Variants in ATAD2 observed in about 807,000 individuals in gnomAD.
ATAD2 encodes the protein ATPase family AAA domain containing 2, also known as ATPase family AAA domain-containing protein 2.
ATAD2 carries 62 observed loss-of-function variants against 168.9 expected under a neutral mutation model. The ratio of observed to expected loss-of-function variants is 0.37; its 90% confidence interval spans 0.30 to 0.45. The LOEUF (loss-of-function observed/expected upper bound fraction) is 0.45. ATAD2 is among the 20% of genes least tolerant of loss of function. The pLI, the probability that ATAD2 is intolerant of heterozygous loss-of-function variation, is 1.00. For synonymous variants in ATAD2, 613 were observed against 571.6 expected (o/e 1.07, Z -1.03); for missense variants, 1,419 against 1,667.8 (o/e 0.85, Z 2.60).
intron 1 of ATAD2, 100 bp from the exon 2 acceptor site, chr8:123,380,777 G>C: frequency 8.4e-7 from 1 of 1,195,762 alleles, no homozygotes; most frequent in Non-Finnish European, 1.2e-6. Context: ...AGTAAAAACT[G>C]CTTTTTGTGC....
chr8:123,330,670 A>G (rs201100468), intron 24 of ATAD2, among the ~76,000 whole-genome samples: 1 of 151,294 alleles, frequency 6.6e-6, no homozygotes, highest in Non-Finnish European at 1.5e-5. Flanking sequence ...CCCTATCTTC[A>G]TATTTTTTAA....
At chr8:123,403,154 A>AT (rs1459579412) in intron 1 of ATAD2, among the ~76,000 whole-genome samples, 2 of 151,842 alleles carry the variant, frequency 1.3e-5, no homozygotes, top group East Asian at 3.9e-4. Context: ...CAGTGGTGGG[A>AT]TTTTAGCTCA....
At chr8:123,339,924 G>A (rs1828018578) in intron 19 of ATAD2, among the ~76,000 whole-genome samples, 2 of 151,256 alleles carry the variant, frequency 1.3e-5, no homozygotes, top group Non-Finnish European at 2.9e-5. Flanking sequence ...ACAAGGTCTC[G>A]CTCTGTCACT....
At chr8:123,414,332 C>T (rs930700028) in intron 1 of ATAD2, among the ~76,000 whole-genome samples, 1 of 151,980 alleles carries the variant, frequency 6.6e-6, no homozygotes, top group Non-Finnish European at 1.5e-5. Flanking sequence ...GTAACTTTGC[C>T]CAAGGTGACC....
chr8:123,390,833 A>G (rs1039527176), intron 1 of ATAD2, among the ~76,000 whole-genome samples: 3 of 152,026 alleles, frequency 2.0e-5, no homozygotes, highest in African/African-American at 4.8e-5. Flanking sequence ...GGAGTTTGAT[A>G]CCCCGTCTCT....
intron 1 of ATAD2, among the ~76,000 whole-genome samples, chr8:123,408,683 C>CT (rs1813104280): frequency 6.6e-6 from 1 of 151,944 alleles, no homozygotes; most frequent in Admixed American, 6.6e-5. Context: ...TGCCCGGCTA[C>CT]TTTTTGTATT....
At chr8:123,359,734 C>T (rs370810524) in intron 9 of ATAD2, 49 bp from the exon 10 acceptor site, 36 of 1,264,976 alleles carry the variant, frequency 2.8e-5, no homozygotes, top group South Asian at 2.7e-4. Context: ...AACTCACCCT[C>T]CTTCCCAAAT....
Position 123,396,200 on chromosome 8 carries a change from G to C in ATAD2, c.158C>G (p.Thr53Arg). ...GAAQKKPAAT[T>R]AKAGDGSSVK... ...GCCCGTACTCACGCCCGCTTTGGCT[G>C]TGGTCGCCGCGGGTTTCTTCTGCGC... The change falls in exon 1 of 28, where the codon ACA (threonine) becomes AGA (arginine). Residue 53 changes from threonine (T) to arginine (R), a missense_variant. This residue lies in a region of ATAD2 where 419 missense variants were observed against 423.5 expected (regional missense o/e 0.99). Transcript: ENST00000287394. The C allele has an allele frequency of 6.3e-7, 1 of 1,580,830 alleles. No homozygotes were observed. Among genetic ancestry groups the C allele is most frequent in the Non-Finnish European group, 8.6e-7 (1 of 1,168,602 alleles).
At chr8:123,392,910 C>A (rs751765194) in intron 1 of ATAD2, among the ~76,000 whole-genome samples, 1 of 152,134 alleles carries the variant, frequency 6.6e-6, no homozygotes. Flanking sequence ...ATTTGCTGGG[C>A]GCGGTGGCTC....
rs1463549664 is a variant in ATAD2 at position 123,333,918 on chromosome 8, C to T, written c.3438G>A (p.Lys1146=). Residue 1146 remains lysine, a synonymous_variant, in exon 24 of 28, where the codon AAG becomes AAA. Transcript: ENST00000287394. ...CCACAGGAGTACTCGGTGTCTTTAG[C>T]TTTTCATTCTGCTCTGGGTCTGATC... ...DKRSDPEQNE[K]LKTPSTPVAC... is the part of the protein sequence containing the mutation. 1.2e-6 allele frequency: 2 copies of T among 1,613,960 alleles called. No homozygotes were observed. Among genetic ancestry groups the T allele is most frequent in the African/African-American group, 1.3e-5 (1 of 74,920 alleles).
At chr8:123,412,960 CT>C (rs1443216646) in intron 1 of ATAD2, among the ~76,000 whole-genome samples, 1 of 152,148 alleles carries the variant, frequency 6.6e-6, no homozygotes, top group African/African-American at 2.4e-5. Flanking sequence ...TGATAGGCCC[CT>C]GACCTCCTTT....
At position 123,371,803 on chromosome 8, in the gene ATAD2, C is replaced by T. The variant is rs761965716; in HGVS notation, c.403G>A (p.Ala135Thr). ...TCTGTACTTTGAACGATGTTTCTAG[C>T]CCTCAATGACCGAGTAACTGGAATC... ...KVIPVTRSLR[A>T]RNIVQSTEHL... Residue 135 changes from alanine (A) to threonine (T), a missense_variant, in exon 4 of 28, where the codon GCT (alanine) becomes ACT (threonine). By Grantham distance (58) the Ala-to-Thr change is moderately conservative. Around this residue, in one of 5 missense-constraint regions of ATAD2, gnomAD observed 419 missense variants for 423.5 expected, o/e 0.99. Coordinates refer to ENST00000287394, the MANE Select transcript of ATAD2 (RefSeq NM_014109.4). 2 of 1,605,342 alleles carry T rather than the reference C, an allele frequency of 1.2e-6. No individual in the cohort carries two copies. Among genetic ancestry groups the T allele is most frequent in the Non-Finnish European group, 8.5e-7 (1 of 1,177,502 alleles).
At chr8:123,373,054 G>C (rs568708331) in intron 2 of ATAD2, among the ~76,000 whole-genome samples, 1 of 151,786 alleles carries the variant, frequency 6.6e-6, no homozygotes, top group Non-Finnish European at 1.5e-5. Flanking sequence ...CATCTCGCCC[G>C]GCTAATTTTT....
chr8:123,337,550 T>G, intron 21 of ATAD2, 75 bp downstream of exon 21: 1 of 1,385,508 alleles, frequency 7.2e-7, no homozygotes, highest in Non-Finnish European at 9.7e-7. Context: ...CAGAACCACA[T>G]AAACTCTTCA....
At chr8:123,401,213 A>T, upstream of ATAD2, 1 of 902,130 alleles carries the variant, frequency 1.1e-6, no homozygotes, top group Non-Finnish European at 1.9e-6. Context: ...CCTATCGTCA[A>T]TGACGATGAT....
At chr8:123,326,940 T>C (rs1201338323) in intron 25 of ATAD2, among the ~76,000 whole-genome samples, 2 of 152,054 alleles carry the variant, frequency 1.3e-5, no homozygotes, top group East Asian at 3.9e-4. Context: ...AGTCTTTCTG[T>C]CACCCAGGCT....
At chr8:123,342,363 A>C (rs1200214217) in intron 19 of ATAD2, 1 of 152,236 alleles carries the variant, frequency 6.6e-6, no homozygotes, top group African/African-American at 2.4e-5. Context: ...GTATTAGTCA[A>C]GTTCTATATG....
chr8:123,329,037 G>A (rs541397639), intron 24 of ATAD2, among the ~76,000 whole-genome samples: 51 of 152,036 alleles, frequency 3.4e-4, no homozygotes, highest in African/African-American at 1.1e-3. Context: ...TCCTGACCTC[G>A]TGATCCGCCC....
At chr8:123,389,557 G>A (rs56790948) in intron 1 of ATAD2, among the ~76,000 whole-genome samples, 7 of 151,498 alleles carry the variant, frequency 4.6e-5, no homozygotes, top group East Asian at 2.0e-4. Context: ...GGAGAATGGC[G>A]TGAACCCAGA....
Sources: allele counts gnomAD v4.1 joint callset (sites outside exome capture counted in the v4.1 genomes callset), GRCh38; gene constraint gnomAD v4.1.1; regional missense constraint gnomAD v4.1.1; transcripts MANE v1.5; gene names NCBI Gene and HGNC (gene_info 2026-07-23, HGNC 2026-07-21).